The following DDX19B variants were observed in gnomAD, a reference collection of about 807,000 sequenced individuals.
The protein encoded by DDX19B is ATP-dependent RNA helicase DDX19B.
DDX19B carries 27 observed loss-of-function variants against 58.1 expected under a neutral mutation model. The observed-to-expected ratio is 0.46, with a 90% CI of 0.34 to 0.64. DDX19B has a LOEUF of 0.64. Among genes scored for constraint, DDX19B ranks in the 30% least tolerant of loss-of-function variants. The pLI, the probability that DDX19B is intolerant of heterozygous loss-of-function variation, is 0.01. For synonymous variants in DDX19B, 187 were observed against 214.4 expected, an observed-to-expected ratio of 0.87 and a Z score of 1.12; for missense variants, 399 against 596.5, an observed-to-expected ratio of 0.67 and a Z score of 3.45.
rs181175996 is a variant in DDX19B, at chr16:70,315,244, G to A, written c.160+289G>A. Among the ~76,000 whole-genome samples, 887 of 151,446 alleles carry A rather than the reference G, an allele frequency of 5.9e-3. 10 individuals are homozygous for A. The highest frequency in any genetic ancestry group is 7.9e-3 in the Non-Finnish European group (536 of 67,824). On this transcript the variant is annotated intron_variant, in intron 3 of 11. Transcript: ENST00000288071. ...ACAAAAAAAAAAAAAAAAATTAGCC[G>A]GGCATGGTGGCAGACGCCTGTAGTC...
upstream of DDX19B, chr16:70,299,086 G>C: frequency 7.9e-7 from 1 of 1,260,414 alleles, no homozygotes; most frequent in Non-Finnish European, 1.0e-6. Flanking sequence ...GGGTTGAGGG[G>C]TACGGGTCTG....
At chr16:70,299,174 C>A (rs1961343077), upstream of DDX19B, 1 of 1,377,556 alleles carries the variant, frequency 7.3e-7, no homozygotes, top group South Asian at 1.7e-5. Flanking sequence ...TGTGGCGCGC[C>A]GCTTCCGGTC....
At chr16:70,307,642 C>T (rs1204677447) in intron 1 of DDX19B, among the ~76,000 whole-genome samples, 3 of 151,760 alleles carry the variant, frequency 2.0e-5, no homozygotes. Flanking sequence ...GGATTACAGG[C>T]GTGAGCCATC....
At chr16:70,303,329 G>A (rs1401021100) in intron 1 of DDX19B, among the ~76,000 whole-genome samples, 1 of 151,974 alleles carries the variant, frequency 6.6e-6, no homozygotes, top group Non-Finnish European at 1.5e-5. Flanking sequence ...TGTATTTTTT[G>A]TAGAGACAGG....
chr16:70,332,732 C>A (rs1963543191), intron 10 of DDX19B, among the ~76,000 whole-genome samples: 1 of 152,140 alleles, frequency 6.6e-6, no homozygotes, highest in African/African-American at 2.4e-5. Context: ...TCTCCCTGCA[C>A]CCCACCCCCT....
chr16:70,311,719 T>C (rs545638674), intron 1 of DDX19B, among the ~76,000 whole-genome samples: 1 of 152,326 alleles, frequency 6.6e-6, no homozygotes, highest in African/African-American at 2.4e-5. Flanking sequence ...CCAACTACAG[T>C]ATCAGACACC....
At chr16:70,319,441 G>A (rs967162754) in intron 5 of DDX19B, among the ~76,000 whole-genome samples, 1 of 152,254 alleles carries the variant, frequency 6.6e-6, no homozygotes, top group East Asian at 1.9e-4. Context: ...AAGCTTGCAG[G>A]TGATGCTGAT....
At chr16:70,332,850 A>T in intron 10 of DDX19B, 118 bp from the exon 11 acceptor site, 1 of 1,579,076 alleles carries the variant, frequency 6.3e-7, no homozygotes, top group Admixed American at 1.7e-5. Context: ...AATGTCATGC[A>T]CGTCTCTTAG....
rs35186561 is a variant in DDX19B, at chr16:70,307,675, A to ATGTG, written c.58-4918_58-4915dup. ...ATCACATCTGGCCATATGTATATAT[A>ATGTG]TGTGTGTGTGTGTGTGTGTATGTAT... On this transcript the variant is annotated intron_variant, in intron 1 of 11. Coordinates refer to ENST00000288071, the MANE Select transcript of DDX19B (RefSeq NM_007242.7). 4.4e-3 allele frequency among the ~76,000 whole-genome samples: 655 copies of ATGTG among 149,436 alleles called. 7 individuals carry two copies. Among genetic ancestry groups the ATGTG allele is most frequent in the African/African-American group, 0.014 (583 of 40,762 alleles).
chr16:70,290,228 C>G (rs1310609175), upstream of DDX19B, among the ~76,000 whole-genome samples: 2 of 152,128 alleles, frequency 1.3e-5, no homozygotes, highest in African/African-American at 4.8e-5. Flanking sequence ...CATAACTAGA[C>G]CCTGTCTCTA....
At chr16:70,293,074 CTG>C (rs1961100888), upstream of DDX19B, among the ~76,000 whole-genome samples, 1 of 149,092 alleles carries the variant, frequency 6.7e-6, no homozygotes, top group South Asian at 2.1e-4. Flanking sequence ...GAGGGAAACT[CTG>C]TCTCAAAAAA....
chr16:70,312,502 G>C, intron 1 of DDX19B, 107 bp from the exon 2 acceptor site: 1 of 972,558 alleles, frequency 1.0e-6, no homozygotes, highest in Admixed American at 2.1e-5. Context: ...AATATACCTT[G>C]AGAATGGCTA....
upstream of DDX19B, among the ~76,000 whole-genome samples, chr16:70,293,422 GAA>G (rs199870375): frequency 8.9e-6 from 1 of 112,884 alleles, no homozygotes. Context: ...TGTCTCAATT[GAA>G]AAAAAAAAGA....
chr16:70,298,667 T>C (rs1451174554), upstream of DDX19B, among the ~76,000 whole-genome samples: 1 of 151,900 alleles, frequency 6.6e-6, no homozygotes, highest in Admixed American at 6.6e-5. Flanking sequence ...TCTTCCTTTT[T>C]AACATTCTCC....
rs553138942 is a variant in DDX19B at position 70,323,815 on chromosome 16, C to T, written c.390-770C>T. Among the ~76,000 whole-genome samples the T allele has an allele frequency of 2.1e-3, 315 of 152,244 alleles. 1 individual carries two copies. The highest frequency in any genetic ancestry group is 2.9e-3 in the Non-Finnish European group (199 of 68,028). ...CCTACCCTGCTACCAAAACCTACAT[C>T]TTGTTTTTTTTAGGCATTTCAAGGT... On this transcript the variant is annotated intron_variant, in intron 5 of 11. Coordinates refer to ENST00000288071, the MANE Select transcript of DDX19B (RefSeq NM_007242.7).
intron 9 of DDX19B, 30 bp downstream of exon 9, chr16:70,330,098 C>T (rs1297193236): frequency 6.2e-7 from 1 of 1,612,420 alleles, no homozygotes. Context: ...GCAGGCCTGG[C>T]CCTTCCCTCT....
chr16:70,290,782 C>A (rs1315455044), upstream of DDX19B, among the ~76,000 whole-genome samples: 1 of 152,168 alleles, frequency 6.6e-6, no homozygotes, highest in Non-Finnish European at 1.5e-5. Flanking sequence ...TGTATGAGGT[C>A]AGCTGGAGTC....
upstream of DDX19B, among the ~76,000 whole-genome samples, chr16:70,293,878 T>C (rs1961125025): frequency 6.6e-6 from 1 of 151,368 alleles, no homozygotes; most frequent in Non-Finnish European, 1.5e-5. Context: ...CCCAAAGTGC[T>C]GGGATTACAG....
intron 5 of DDX19B, among the ~76,000 whole-genome samples, chr16:70,322,196 TA>T (rs1227911066): frequency 6.6e-6 from 1 of 151,630 alleles, no homozygotes; most frequent in Non-Finnish European, 1.5e-5. Flanking sequence ...AGGGCAAAAT[TA>T]AAAAAGAAAT....
Sources: gnomAD v4.1 joint callset for allele counts (sites outside exome capture counted in the v4.1 genomes callset) on GRCh38, gnomAD v4.1.1 for gene constraint, MANE v1.5 for transcripts, NCBI Gene and HGNC (gene_info 2026-07-23, HGNC 2026-07-21) for gene names.